The following DPH6 variants were observed in gnomAD, a reference collection of about 807,000 sequenced individuals.
DPH6 encodes the protein diphthamine biosynthesis 6.
DPH6 carries 33 observed loss-of-function variants against 38.2 expected under a neutral mutation model. The ratio of observed to expected loss-of-function variants is 0.86; its 90% confidence interval spans 0.65 to 1.15. The LOEUF (loss-of-function observed/expected upper bound fraction) is 1.15, where lower values mean the gene tolerates loss of function less well. Ranked by LOEUF, DPH6 falls within the 50% of genes most tolerant of loss-of-function variation. The pLI is 0.00. For synonymous variants in DPH6, 108 were observed against 103.0 expected (o/e 1.05, Z -0.30); for missense variants, 325 against 320.0 (o/e 1.02, Z -0.12).
chr15:35,456,007 C>A (rs1046931734), intron 3 of DPH6, among the ~76,000 whole-genome samples: 10 of 152,034 alleles, frequency 6.6e-5, no homozygotes, highest in African/African-American at 2.2e-4. Flanking sequence ...TCTTTAAAGT[C>A]GATTTAAAAT....
chr15:35,491,634 A>T (rs1456152844), intron 3 of DPH6, among the ~76,000 whole-genome samples: 5 of 151,790 alleles, frequency 3.3e-5, no homozygotes, highest in Non-Finnish European at 7.4e-5. Flanking sequence ...ATTTATGTCT[A>T]TATAGATCTC....
intron 3 of DPH6, among the ~76,000 whole-genome samples, chr15:35,252,013 G>A (rs1185076987): frequency 6.6e-6 from 1 of 152,116 alleles, no homozygotes; most frequent in Non-Finnish European, 1.5e-5. Context: ...GTAGTGGGGG[G>A]CCTGTAATCC....
the DPH6 span, among the ~76,000 whole-genome samples, chr15:35,158,751 G>A: frequency 6.6e-6 from 1 of 151,990 alleles, no homozygotes; most frequent in Non-Finnish European, 1.5e-5. Flanking sequence ...TTTAGTTAGG[G>A]AAATTGGTTT....
intron 3 of DPH6, among the ~76,000 whole-genome samples, chr15:35,347,185 A>G (rs2052469319): frequency 6.6e-6 from 1 of 152,114 alleles, no homozygotes; most frequent in Admixed American, 6.6e-5. Flanking sequence ...ATTCTACTAT[A>G]TAGTTCTAAG....
intron 3 of DPH6, among the ~76,000 whole-genome samples, chr15:35,359,144 C>T (rs1420271557): frequency 6.6e-6 from 1 of 151,964 alleles, no homozygotes; most frequent in Non-Finnish European, 1.5e-5. Flanking sequence ...CTGAGTCATG[C>T]AGGTTGTCAG....
chr15:35,223,024 T>G (rs776363587), intron 3 of DPH6, among the ~76,000 whole-genome samples: 22 of 152,200 alleles, frequency 1.4e-4, no homozygotes, highest in Non-Finnish European at 2.5e-4. Context: ...CATTTCACAG[T>G]TGTAACAAGT....
At chr15:35,170,467 TTTAC>T in the DPH6 span, among the ~76,000 whole-genome samples, 2 of 152,148 alleles carry the variant, frequency 1.3e-5, no homozygotes, top group Non-Finnish European at 2.9e-5. Context: ...CATTTTGGTT[TTTAC>T]TTATGTGTTT....
At chr15:35,307,583 T>A (rs1384482479) in intron 3 of DPH6, among the ~76,000 whole-genome samples, 1 of 152,086 alleles carries the variant, frequency 6.6e-6, no homozygotes, top group Non-Finnish European at 1.5e-5. Context: ...ATTAGAAAAA[T>A]GCATCAATTT....
intron 3 of DPH6, among the ~76,000 whole-genome samples, chr15:35,482,909 AAC>A (rs1283197475): frequency 6.6e-6 from 1 of 152,060 alleles, no homozygotes; most frequent in African/African-American, 2.4e-5. Context: ...CATGAACTGA[AAC>A]AGTTTGCAAA....
At chr15:35,294,077 C>T (rs144716651) in intron 3 of DPH6, among the ~76,000 whole-genome samples, 78 of 152,248 alleles carry the variant, frequency 5.1e-4, no homozygotes, top group African/African-American at 1.6e-3. Flanking sequence ...GGCTTTGGCA[C>T]GACCACACTC....
intron 3 of DPH6, among the ~76,000 whole-genome samples, chr15:35,222,543 G>T (rs965468052): frequency 5.3e-5 from 8 of 152,052 alleles, no homozygotes; most frequent in Non-Finnish European, 1.0e-4. Flanking sequence ...TTGAAGGGGG[G>T]GGTTTCAGGT....
chr15:35,195,429 T>C, the DPH6 span, among the ~76,000 whole-genome samples: 1 of 152,104 alleles, frequency 6.6e-6, no homozygotes, highest in Non-Finnish European at 1.5e-5. Flanking sequence ...AAGGAAAAAG[T>C]CAAAACTTTG....
At chr15:35,344,649 TC>T (rs1253458219) in intron 3 of DPH6, among the ~76,000 whole-genome samples, 2 of 151,900 alleles carry the variant, frequency 1.3e-5, no homozygotes, top group Non-Finnish European at 2.9e-5. Context: ...ACATTGTATT[TC>T]CATGTTTGTG....
At chr15:35,542,941 AAGGAATAT>A (rs2055278655) in intron 1 of DPH6, among the ~76,000 whole-genome samples, 1 of 17,164 alleles carries the variant, frequency 5.8e-5, no homozygotes, top group African/African-American at 1.9e-4. Flanking sequence ...TATTCCACTT[AAGGAATAT>A]ATATATATAT....
At chr15:35,319,489 C>G (rs985025885) in intron 3 of DPH6, among the ~76,000 whole-genome samples, 1 of 151,982 alleles carries the variant, frequency 6.6e-6, no homozygotes, top group Non-Finnish European at 1.5e-5. Context: ...GCCTGTAATC[C>G]CAGCACTTCT....
intron 3 of DPH6, among the ~76,000 whole-genome samples, chr15:35,364,843 C>T (rs1216158305): frequency 6.6e-6 from 1 of 151,916 alleles, no homozygotes; most frequent in Non-Finnish European, 1.5e-5. Context: ...AGCTACTATG[C>T]TTTTAAACAT....
chr15:35,353,001 T>C (rs1203023698), intron 3 of DPH6, among the ~76,000 whole-genome samples: 1 of 152,212 alleles, frequency 6.6e-6, no homozygotes, highest in Admixed American at 6.5e-5. Flanking sequence ...TATCTCATTG[T>C]GGTTTTGATT....
At chr15:35,309,554 C>T (rs2052122682) in intron 3 of DPH6, among the ~76,000 whole-genome samples, 1 of 152,116 alleles carries the variant, frequency 6.6e-6, no homozygotes, top group East Asian at 1.9e-4. Flanking sequence ...CTGCCTTAAA[C>T]CCATTTTAAA....
intron 3 of DPH6, among the ~76,000 whole-genome samples, chr15:35,494,473 T>C (rs990614173): frequency 1.6e-4 from 25 of 152,050 alleles, no homozygotes; most frequent in East Asian, 7.7e-4. Context: ...GAAATAAAGA[T>C]TACATTAAAA....
Sources: allele counts gnomAD v4.1 joint callset (sites outside exome capture counted in the v4.1 genomes callset), GRCh38; gene constraint gnomAD v4.1.1; transcripts MANE v1.5; gene names NCBI Gene and HGNC (gene_info 2026-07-23, HGNC 2026-07-21).